The following LPP variants were observed in gnomAD, a reference collection of about 807,000 sequenced individuals.
LPP encodes lipoma-preferred partner.
LPP carries 38 observed loss-of-function variants against 60.4 expected under a neutral mutation model. The ratio of observed to expected loss-of-function variants is 0.63; its 90% CI spans 0.49 to 0.83. The LOEUF (loss-of-function observed/expected upper bound fraction) is 0.83. Ranked by LOEUF, LPP falls within the 40% of genes least tolerant of loss-of-function variation. The pLI is 0.00. For missense variants in LPP, 902 were observed against 783.6 expected, an observed-to-expected ratio of 1.15 and a Z score of -1.80; for synonymous variants, 328 against 290.8, an observed-to-expected ratio of 1.13 and a Z score of -1.30.
intron 2 of LPP, among the ~76,000 whole-genome samples, chr3:188,317,626 C>T (rs1755476459): frequency 6.6e-6 from 1 of 152,178 alleles, no homozygotes; most frequent in South Asian, 2.1e-4. Flanking sequence ...TTATTGCTGT[C>T]TTAGCCTGCT....
At chr3:188,631,487 G>C (rs1847842684) in intron 7 of LPP, among the ~76,000 whole-genome samples, 1 of 152,174 alleles carries the variant, frequency 6.6e-6, no homozygotes, top group Non-Finnish European at 1.5e-5. Flanking sequence ...ATTTATAATT[G>C]TGTTCAGTGC....
chr3:188,369,129 CCT>C (rs1400014028), intron 3 of LPP, among the ~76,000 whole-genome samples: 2 of 152,220 alleles, frequency 1.3e-5, no homozygotes, highest in African/African-American at 4.8e-5. Context: ...CATGTCTAAA[CCT>C]GGGGAACTAT....
Position 188,866,327 on chromosome 3 carries a change from CAT to C in LPP, c.1539_1540del (p.Phe514HisfsTer12), listed in dbSNP as rs758043318. Reference sequence around the variant, plus strand: ...TGCCACCGCAGCCTGGATGGGATCCCATTCACTGTGGATGCTGGCGGGCTCAT... The same window carrying C: ...TGCCACCGCAGCCTGGATGGGATCCCTCACTGTGGATGCTGGCGGGCTCAT... On this transcript the variant is annotated frameshift_variant, in exon 10 of 12. Transcript: ENST00000617246. LOFTEE classifies it high-confidence loss of function. The C allele has an allele frequency of 6.3e-7, 1 of 1,581,626 alleles. No homozygotes were observed.
chr3:188,218,252 G>A (rs1197375559), intron 1 of LPP, among the ~76,000 whole-genome samples: 1 of 152,226 alleles, frequency 6.6e-6, no homozygotes, highest in Non-Finnish European at 1.5e-5. Context: ...CCCTTTGGCA[G>A]TTCCCTGTAA....
chr3:188,797,729 C>G (rs918239921), intron 9 of LPP, among the ~76,000 whole-genome samples: 1 of 152,182 alleles, frequency 6.6e-6, no homozygotes, highest in African/African-American at 2.4e-5. Context: ...AGTAGTCACT[C>G]CCTGCTCTGC....
intron 7 of LPP, among the ~76,000 whole-genome samples, chr3:188,683,965 C>T (rs73058703): frequency 0.069 from 10,540 of 152,242 alleles, 546 homozygotes; most frequent in African/African-American, 0.14. Flanking sequence ...GTCGGGAAAC[C>T]GGAGTGTTGT....
chr3:188,642,800 G>A, intron 7 of LPP, among the ~76,000 whole-genome samples: 1 of 152,268 alleles, frequency 6.6e-6, no homozygotes, highest in Non-Finnish European at 1.5e-5. Flanking sequence ...GCTGGGTGTG[G>A]TGGCACATGC....
intron 9 of LPP, among the ~76,000 whole-genome samples, chr3:188,800,909 T>C (rs1361195862): frequency 6.6e-6 from 1 of 152,192 alleles, no homozygotes; most frequent in Non-Finnish European, 1.5e-5. Flanking sequence ...GTTTTCCTTA[T>C]TAGTGTATTG....
chr3:188,454,036 A>G (rs1408409254), intron 4 of LPP, among the ~76,000 whole-genome samples: 3 of 152,248 alleles, frequency 2.0e-5, no homozygotes, highest in Non-Finnish European at 4.4e-5. Flanking sequence ...AGCATATCCT[A>G]GGCACTGTGT....
chr3:188,609,882 G>GT lies in LPP; in HGVS notation c.1113+39dup, dbSNP rs1164855842. ...GTAACATAAGGAGGAGAATACAGGG[G>GT]TGCCTATCTTAGTCTGCCTTCCCCA... On this transcript the variant is annotated intron_variant, in intron 7 of 11. Transcript: ENST00000617246. The surrounding 1 kb of genome is among the most constrained non-coding windows in gnomAD (Gnocchi z 6.9). The GT allele has an allele frequency of 5.8e-6, 9 of 1,556,910 alleles. No homozygotes were observed. Among genetic ancestry groups the GT allele is most frequent in the Non-Finnish European group, 7.8e-6 (9 of 1,153,334 alleles).
At chr3:188,452,062 C>T (rs1030433007) in intron 4 of LPP, among the ~76,000 whole-genome samples, 4 of 152,290 alleles carry the variant, frequency 2.6e-5, no homozygotes, top group Middle Eastern at 3.4e-3. Context: ...CCGTACTTAA[C>T]AATCTGGTTT....
intron 5 of LPP, among the ~76,000 whole-genome samples, chr3:188,497,286 C>A (rs1200162076): frequency 3.9e-5 from 6 of 151,970 alleles, no homozygotes; most frequent in Admixed American, 2.0e-4. Flanking sequence ...CAGTGTCTAG[C>A]CGTAGAGGTG....
chr3:188,815,840 C>T (rs1752319755), intron 9 of LPP, among the ~76,000 whole-genome samples: 1 of 152,200 alleles, frequency 6.6e-6, no homozygotes, highest in East Asian at 1.9e-4. Flanking sequence ...TTTTCTCTAC[C>T]TCAAGCCAAT....
chr3:188,455,989 C>G (rs1343100992), intron 4 of LPP, among the ~76,000 whole-genome samples: 1 of 152,190 alleles, frequency 6.6e-6, no homozygotes, highest in Non-Finnish European at 1.5e-5. Flanking sequence ...AACTCCTGAT[C>G]TTAAACAATC....
At chr3:188,736,014 A>G (rs562542614) in intron 8 of LPP, among the ~76,000 whole-genome samples, 1 of 152,244 alleles carries the variant, frequency 6.6e-6, no homozygotes, top group Non-Finnish European at 1.5e-5. Context: ...TATTTTAAAA[A>G]TAAGAGTTGT....
chr3:188,497,902 T>C (rs1000826671), intron 5 of LPP, among the ~76,000 whole-genome samples: 4 of 152,160 alleles, frequency 2.6e-5, no homozygotes, highest in African/African-American at 9.7e-5. Flanking sequence ...GGCAACTATA[T>C]AGAAGTATTT....
At chr3:188,296,048 G>A (rs1747768344) in intron 2 of LPP, among the ~76,000 whole-genome samples, 1 of 152,162 alleles carries the variant, frequency 6.6e-6, no homozygotes, top group Non-Finnish European at 1.5e-5. Flanking sequence ...CACAGACCCT[G>A]TTCCATCTAG....
rs750985121 is a variant in LPP at position 188,609,137 on chromosome 3, T to C, written c.430-24T>C. 1.6e-5 allele frequency: 23 copies of C among 1,460,812 alleles called. No individual in the cohort carries two copies. Among genetic ancestry groups the C allele is most frequent in the South Asian group, 1.5e-4 (12 of 78,404 alleles). 90.5% of individuals were successfully genotyped at this position (1,460,812 alleles called of 1,614,324 possible). On this transcript the variant is annotated intron_variant, in intron 6 of 11. Transcript: ENST00000617246. This position sits in a 1 kb window ranked among gnomAD's most constrained non-coding sequence, Gnocchi z 6.9. Reference sequence around the variant, plus strand: ...GGCAGTAATTTTTGCTTTCTTTCTTTCTTTTTTTTCCTATTCTTTTTAGAG... The same window carrying C: ...GGCAGTAATTTTTGCTTTCTTTCTTCCTTTTTTTTCCTATTCTTTTTAGAG...
At chr3:188,171,483 T>G (rs1040684133) in intron 1 of LPP, among the ~76,000 whole-genome samples, 1 of 152,236 alleles carries the variant, frequency 6.6e-6, no homozygotes, top group African/African-American at 2.4e-5. Flanking sequence ...CTTCAGGCTA[T>G]GCCTATGGAT....
Sources: allele counts gnomAD v4.1 joint callset (sites outside exome capture counted in the v4.1 genomes callset), GRCh38; gene constraint gnomAD v4.1.1; non-coding constraint Gnocchi (gnomAD v3.1); transcripts MANE v1.5; gene names NCBI Gene and HGNC (gene_info 2026-07-23, HGNC 2026-07-21).